The following KIAA0825 variants were observed in gnomAD, a reference collection of about 807,000 sequenced individuals.
KIAA0825 encodes KIAA0825, also known as uncharacterized protein KIAA0825.
In KIAA0825, 119 loss-of-function variants were observed where a neutral mutation model predicts 147.6. The ratio of observed to expected loss-of-function variants is 0.81; its 90% CI spans 0.69 to 0.94. The LOEUF (loss-of-function observed/expected upper bound fraction) is 0.94, where lower values mean the gene tolerates loss of function less well. Among genes scored for constraint, KIAA0825 ranks in the 40% least tolerant of loss-of-function variants. The pLI, the probability that KIAA0825 is intolerant of heterozygous loss-of-function variation, is 0.00. For missense variants in KIAA0825, 1,381 were observed against 1,472.7 expected (o/e 0.94, Z 1.02); for synonymous variants, 470 against 518.1 (o/e 0.91, Z 1.26).
At chr5:94,532,712 TTC>T (rs1390395265) in intron 3 of KIAA0825, among the ~76,000 whole-genome samples, 1 of 150,702 alleles carries the variant, frequency 6.6e-6, no homozygotes, top group African/African-American at 2.5e-5. Context: ...TTTTTTTTTT[TTC>T]AGTAGAGATG....
intron 20 of KIAA0825, among the ~76,000 whole-genome samples, chr5:94,235,328 T>A (rs1019171137): frequency 1.4e-4 from 21 of 152,170 alleles, no homozygotes; most frequent in Non-Finnish European, 2.9e-4. Flanking sequence ...GGTTTTACAG[T>A]CAGGTAGAAG....
At chr5:94,587,864 G>C (rs570846068) in intron 1 of KIAA0825, among the ~76,000 whole-genome samples, 29 of 152,258 alleles carry the variant, frequency 1.9e-4, no homozygotes, top group Admixed American at 6.5e-4. Flanking sequence ...CAATGGAATA[G>C]AACAGAGGCC....
chr5:94,321,073 C>T (rs1780138278), intron 20 of KIAA0825, among the ~76,000 whole-genome samples: 1 of 151,938 alleles, frequency 6.6e-6, no homozygotes, highest in African/African-American at 2.4e-5. Context: ...AAATATTTTA[C>T]TATTTGACAG....
chr5:94,438,185 G>A (rs926159938), intron 14 of KIAA0825, among the ~76,000 whole-genome samples: 2 of 152,140 alleles, frequency 1.3e-5, no homozygotes, highest in Non-Finnish European at 2.9e-5. Context: ...ACAAAATCTA[G>A]AGCTACTCGC....
At chr5:94,164,219 A>G (rs1767826659) in intron 20 of KIAA0825, among the ~76,000 whole-genome samples, 1 of 152,186 alleles carries the variant, frequency 6.6e-6, no homozygotes, top group Admixed American at 6.5e-5. Flanking sequence ...GTTTATATGG[A>G]ACCACAAAAG....
intron 5 of KIAA0825, among the ~76,000 whole-genome samples, chr5:94,494,852 C>T (rs1461506866): frequency 2.6e-5 from 4 of 151,904 alleles, no homozygotes; most frequent in African/African-American, 7.3e-5. Flanking sequence ...AGGAATATGC[C>T]GTGACAGAGA....
chr5:94,403,596 CT>C lies in KIAA0825; in HGVS notation c.2859del (p.Glu954LysfsTer22). ...TTGCATGATTCTTTCCTGTTAGTTTCTTTTGGACTATAATTCCATTCCTTTG... is the reference window on the plus strand; with the variant it reads ...TTGCATGATTCTTTCCTGTTAGTTTCTTTGGACTATAATTCCATTCCTTTG... The part of the protein sequence containing the change: ...SMPKEWNYSP[K>X]ETNRKESCKS... On this transcript the variant is annotated frameshift_variant, in exon 16 of 21. Coordinates refer to ENST00000682413, the MANE Select transcript of KIAA0825 (RefSeq NM_001145678.3). LOFTEE classifies it high-confidence loss of function. 3 of 1,551,388 alleles carry C rather than the reference CT, an allele frequency of 1.9e-6. No individual in the cohort carries two copies. The South Asian group carries it at 3.6e-5, about 18-fold the overall frequency.
At chr5:94,165,802 AAAC>A (rs1230423378) in intron 20 of KIAA0825, among the ~76,000 whole-genome samples, 1 of 152,200 alleles carries the variant, frequency 6.6e-6, no homozygotes, top group East Asian at 1.9e-4. Flanking sequence ...CTAAAAATCA[AAAC>A]AATTGAACTC....
chr5:94,526,078 A>C (rs1406036849), intron 3 of KIAA0825, among the ~76,000 whole-genome samples: 1 of 152,026 alleles, frequency 6.6e-6, no homozygotes, highest in Admixed American at 6.6e-5. Flanking sequence ...AAACTTAATC[A>C]TCTGAAGTCT....
chr5:94,317,331 G>A (rs987671738), intron 20 of KIAA0825, among the ~76,000 whole-genome samples: 1 of 151,858 alleles, frequency 6.6e-6, no homozygotes, highest in Non-Finnish European at 1.5e-5. Flanking sequence ...GCCTTTCAGT[G>A]TTTAAAATAT....
chr5:94,617,514 G>T (rs1392590678), intron 1 of KIAA0825, among the ~76,000 whole-genome samples: 1 of 151,778 alleles, frequency 6.6e-6, no homozygotes, highest in Non-Finnish European at 1.5e-5. Flanking sequence ...GTTTTTATGG[G>T]TATGAGGAGC....
intron 14 of KIAA0825, among the ~76,000 whole-genome samples, chr5:94,437,835 T>G (rs1223549100): frequency 6.6e-6 from 1 of 152,206 alleles, no homozygotes; most frequent in Admixed American, 6.5e-5. Context: ...ATCCTTGTCA[T>G]GTAGCTGCTT....
chr5:94,417,324 T>C lies in KIAA0825; in HGVS notation c.2539A>G (p.Ser847Gly). Residue 847 changes from serine to glycine, a missense_variant, in exon 15 of 21, where the codon AGC (serine) becomes GGC (glycine). Ser to Gly is a moderately conservative substitution (Grantham distance 56, BLOSUM62 0). Coordinates refer to ENST00000682413, the MANE Select transcript of KIAA0825 (RefSeq NM_001145678.3). ...ATTTTAAAGATGGCTTCCATCAAGC[T>C]GGGTCCTTGGTTCAGGTTATTTTCT... is the stretch of plus-strand genomic sequence containing the variant. ...DTENNLNQGPSLMEAIFKILY... is the reference protein window; with the variant it reads ...DTENNLNQGPGLMEAIFKILY... 2.6e-6 allele frequency: 4 copies of C among 1,549,994 alleles called. No individual in the cohort carries two copies. The highest frequency in any genetic ancestry group is 2.4e-5 in the South Asian group (2 of 83,982).
intron 20 of KIAA0825, among the ~76,000 whole-genome samples, chr5:94,299,864 A>G (rs1323250956): frequency 6.6e-6 from 1 of 152,128 alleles, no homozygotes; most frequent in African/African-American, 2.4e-5. Flanking sequence ...AAATATTTGT[A>G]TCTATTCCTC....
intron 5 of KIAA0825, among the ~76,000 whole-genome samples, chr5:94,510,831 G>A (rs1038997208): frequency 7.2e-5 from 11 of 152,190 alleles, no homozygotes; most frequent in African/African-American, 2.7e-4. Flanking sequence ...AGTTTCTCCT[G>A]TATAAATGTC....
At chr5:94,378,066 A>C (rs1747838418) in intron 20 of KIAA0825, among the ~76,000 whole-genome samples, 1 of 152,196 alleles carries the variant, frequency 6.6e-6, no homozygotes, top group South Asian at 2.1e-4. Flanking sequence ...ATCTGAGCAA[A>C]ATTTACATAA....
At chr5:94,358,728 T>G (rs1441548834) in intron 20 of KIAA0825, among the ~76,000 whole-genome samples, 1 of 152,204 alleles carries the variant, frequency 6.6e-6, no homozygotes, top group Non-Finnish European at 1.5e-5. Flanking sequence ...TCACTGAACC[T>G]GTTATCAGCA....
At chr5:94,166,504 G>GATTTT (rs1768047062) in intron 20 of KIAA0825, among the ~76,000 whole-genome samples, 1 of 100,758 alleles carries the variant, frequency 9.9e-6, no homozygotes, top group Non-Finnish European at 2.0e-5. Flanking sequence ...CCTCTTGGTT[G>GATTTT]TTTTTTTTTT....
intron 20 of KIAA0825, among the ~76,000 whole-genome samples, chr5:94,167,678 G>A (rs893683186): frequency 7.2e-5 from 11 of 151,962 alleles, no homozygotes; most frequent in African/African-American, 2.4e-4. Context: ...ACACTAAAAG[G>A]TCAAATAAAA....
Sources: gnomAD v4.1 joint callset for allele counts (sites outside exome capture counted in the v4.1 genomes callset) on GRCh38, gnomAD v4.1.1 for gene constraint, MANE v1.5 for transcripts, NCBI Gene and HGNC (gene_info 2026-07-23, HGNC 2026-07-21) for gene names.